UTRN: variants seen among roughly 807,000 people sequenced by gnomAD.
The protein encoded by UTRN is dystrophin-related protein 1.
A neutral mutation model predicts 463.9 loss-of-function variants in UTRN; 283 were observed. The observed-to-expected ratio is 0.61, with a 90% CI of 0.55 to 0.67. The LOEUF is 0.67. UTRN is among the 30% of genes least tolerant of loss of function. UTRN has a pLI of 0.00. For synonymous variants in UTRN, 1,442 were observed against 1,431.5 expected (o/e 1.01, Z -0.17); for missense variants, 3,922 against 4,084.3 (o/e 0.96, Z 1.08).
intron 46 of UTRN, among the ~76,000 whole-genome samples, chr6:144,545,600 C>G (rs1798329058): frequency 6.6e-6 from 1 of 152,226 alleles, no homozygotes; most frequent in Admixed American, 6.5e-5. Flanking sequence ...TACTCACTTC[C>G]TTTAGTTCTC....
intron 57 of UTRN, among the ~76,000 whole-genome samples, chr6:144,756,410 G>A (rs1032655038): frequency 2.0e-5 from 3 of 152,060 alleles, no homozygotes; most frequent in African/African-American, 7.2e-5. Flanking sequence ...TCAAATACAT[G>A]GCCTTGTATT....
chr6:144,610,733 G>A (rs1418383803), intron 51 of UTRN, among the ~76,000 whole-genome samples: 1 of 152,102 alleles, frequency 6.6e-6, no homozygotes, highest in East Asian at 1.9e-4. Context: ...AAATTAGCCG[G>A]GCGTGGTGGC....
intron 46 of UTRN, among the ~76,000 whole-genome samples, chr6:144,544,746 G>A (rs1289648497): frequency 6.6e-6 from 1 of 151,634 alleles, no homozygotes; most frequent in Non-Finnish European, 1.5e-5. Flanking sequence ...AATCCATCAA[G>A]CTACCTGCGG....
chr6:144,821,588 G>C (rs1779612208), intron 66 of UTRN, among the ~76,000 whole-genome samples: 1 of 151,944 alleles, frequency 6.6e-6, no homozygotes, highest in African/African-American at 2.4e-5. Flanking sequence ...TTTATTCAAA[G>C]TGTATAATTT....
At chr6:144,824,211 T>G (rs1240267866) in intron 66 of UTRN, among the ~76,000 whole-genome samples, 2 of 151,896 alleles carry the variant, frequency 1.3e-5, no homozygotes, top group African/African-American at 4.8e-5. Flanking sequence ...CCAAAGTGTT[T>G]GGAGTTTATT....
intron 51 of UTRN, among the ~76,000 whole-genome samples, chr6:144,592,372 A>T (rs1206665664): frequency 6.6e-6 from 1 of 151,870 alleles, no homozygotes; most frequent in Non-Finnish European, 1.5e-5. Context: ...TAAATTTTTA[A>T]ATTTTTTTTT....
Position 144,516,807 on chromosome 6 carries a change from T to G in UTRN, c.5404-4T>G. On this transcript the variant is annotated splice_polypyrimidine_tract_variant and splice_region_variant and intron_variant, in intron 38 of 74. Coordinates refer to ENST00000367545, the MANE Select transcript of UTRN (RefSeq NM_007124.3). ...TCATTTTTTTTTTCCTTTTAAAAAT[T>G]TAGATGGATGAGGAGAGTGCCCAGA... 4 of 1,449,458 alleles carry G rather than the reference T, an allele frequency of 2.8e-6. No individual in the cohort carries two copies. Among genetic ancestry groups the G allele is most frequent in the Non-Finnish European group, 3.6e-6 (4 of 1,103,614 alleles). 89.8% of individuals were successfully genotyped at this position (1,449,458 alleles called of 1,614,324 possible).
chr6:144,614,496 A>G (rs1459441475), intron 51 of UTRN, among the ~76,000 whole-genome samples: 13 of 152,108 alleles, frequency 8.5e-5, no homozygotes. Flanking sequence ...TTAAGTACAA[A>G]TTCGAAAATA....
In UTRN at chr6:144,426,451, C is replaced by T; in HGVS notation, c.570C>T (p.His190=). 1.2e-6 allele frequency: 2 copies of T among 1,613,598 alleles called. No individual in the cohort carries two copies. Among genetic ancestry groups the T allele is most frequent in the South Asian group, 1.1e-5 (1 of 90,976 alleles). Residue 190 remains histidine (H), a synonymous_variant, in exon 7 of 75, where the codon CAC becomes CAT. Coordinates refer to ENST00000367545, the MANE Select transcript of UTRN (RefSeq NM_007124.3). ...TDGLAFNAVL[H]RHKPDLFSWD... ...GACTCGCCTTTAATGCTGTCCTCCA[C>T]CGACATAAGTGAGACATTACTCTAT...
intron 51 of UTRN, among the ~76,000 whole-genome samples, chr6:144,627,021 A>G (rs1776013952): frequency 6.6e-6 from 1 of 152,202 alleles, no homozygotes; most frequent in South Asian, 2.1e-4. Context: ...GATTTGATAT[A>G]TACAAACAAA....
At chr6:144,836,661 G>C (rs1192366568) in intron 71 of UTRN, 120 bp downstream of exon 71, 1 of 1,423,040 alleles carries the variant, frequency 7.0e-7, no homozygotes, top group African/African-American at 1.4e-5. Context: ...TACCTCCGTA[G>C]TTAATTCAGA....
chr6:144,517,444 T>C (rs578236159), intron 39 of UTRN, among the ~76,000 whole-genome samples: 1 of 152,118 alleles, frequency 6.6e-6, no homozygotes, highest in African/African-American at 2.4e-5. Context: ...GTGATCCTCC[T>C]ATGTCAGTCT....
intron 3 of UTRN, among the ~76,000 whole-genome samples, chr6:144,406,380 G>A (rs1783416914): frequency 1.9e-5 from 2 of 105,344 alleles, no homozygotes; most frequent in African/African-American, 8.6e-5. Context: ...TTTTTTTTGA[G>A]ACACAGTCTA....
intron 60 of UTRN, 94 bp from the exon 61 acceptor site, chr6:144,781,828 A>G: frequency 1.1e-6 from 1 of 898,640 alleles, no homozygotes; most frequent in East Asian, 2.7e-5. Flanking sequence ...AATCAAGCTA[A>G]ATACTTGAGA....
intron 2 of UTRN, among the ~76,000 whole-genome samples, chr6:144,344,980 T>C (rs1273594204): frequency 1.3e-5 from 2 of 152,218 alleles, no homozygotes; most frequent in African/African-American, 4.8e-5. Context: ...TATACATGTG[T>C]GTACTGGTTG....
chr6:144,290,908 G>T (rs1562708600), intron 1 of UTRN, among the ~76,000 whole-genome samples: 1 of 151,084 alleles, frequency 6.6e-6, no homozygotes, highest in South Asian at 2.1e-4. Flanking sequence ...GGGATTACAG[G>T]TGCACACCAC....
chr6:144,689,799 G>C (rs985569470), intron 52 of UTRN, among the ~76,000 whole-genome samples: 1 of 152,174 alleles, frequency 6.6e-6, no homozygotes, highest in Non-Finnish European at 1.5e-5. Context: ...AACAGGTCAC[G>C]TGGGCAGACT....
intron 62 of UTRN, 101 bp downstream of exon 62, chr6:144,789,380 TTCTC>T: frequency 9.8e-7 from 1 of 1,020,832 alleles, no homozygotes; most frequent in Admixed American, 2.4e-5. Flanking sequence ...GTAGTAATAG[TTCTC>T]TCTCTTTTTT....
chr6:144,310,409 G>A (rs1289640246), intron 2 of UTRN, among the ~76,000 whole-genome samples: 2 of 152,048 alleles, frequency 1.3e-5, no homozygotes, highest in Non-Finnish European at 2.9e-5. Context: ...GGTGGCTCAT[G>A]CCTGTAATCC....
Sources: gnomAD v4.1 joint callset for allele counts (sites outside exome capture counted in the v4.1 genomes callset) on GRCh38, gnomAD v4.1.1 for gene constraint, MANE v1.5 for transcripts, NCBI Gene and HGNC (gene_info 2026-07-23, HGNC 2026-07-21) for gene names.